The following ZNF675 variants were observed in gnomAD, a reference collection of about 807,000 sequenced individuals.
ZNF675 encodes the protein zinc finger protein 675.
Under a neutral mutation model 56.1 loss-of-function variants are expected in ZNF675, and 36 were observed. The ratio of observed to expected loss-of-function variants is 0.64; its 90% CI spans 0.49 to 0.85. The LOEUF is 0.85. Among genes scored for constraint, ZNF675 ranks in the 40% least tolerant of loss-of-function variants. The pLI, the probability that ZNF675 is intolerant of heterozygous loss-of-function variation, is 0.00. For missense variants in ZNF675, 663 were observed against 654.2 expected, an observed-to-expected ratio of 1.01 and a Z score of -0.15; for synonymous variants, 200 against 218.9, an observed-to-expected ratio of 0.91 and a Z score of 0.76.
rs2144915960 is a variant in ZNF675 at position 23,654,168 on chromosome 19, T to G, written c.765A>C (p.Pro255=). The change falls in exon 4 of 4, where the codon CCA becomes CCC. Residue 255 remains proline, a synonymous_variant. Transcript: ENST00000359788. The part of the protein sequence containing the change: ...EYKKDYAREK[P]YKCEECGKAF... ...CTTTGCCACATTCTTCACATTTGTATGGTTTCTCTCGAGCATAATCTTTTT... is the reference window on the plus strand; with the variant it reads ...CTTTGCCACATTCTTCACATTTGTAGGGTTTCTCTCGAGCATAATCTTTTT... 3 of 1,613,994 alleles carry G rather than the reference T, an allele frequency of 1.9e-6. No homozygotes were observed. The highest frequency in any genetic ancestry group is 1.1e-5 in the South Asian group (1 of 91,072).
At chr19:23,685,021 T>C (rs1968425566) in intron 1 of ZNF675, among the ~76,000 whole-genome samples, 1 of 152,108 alleles carries the variant, frequency 6.6e-6, no homozygotes, top group African/African-American at 2.4e-5. Context: ...TTTTCTTTTT[T>C]TGAGATGGAG....
At chr19:23,679,425 T>C (rs1968346313) in intron 1 of ZNF675, among the ~76,000 whole-genome samples, 1 of 151,414 alleles carries the variant, frequency 6.6e-6, no homozygotes, top group East Asian at 1.9e-4. Flanking sequence ...CTTAGAATTA[T>C]AAAAAACTCT....
At chr19:23,675,194 C>A (rs1268294574) in intron 1 of ZNF675, among the ~76,000 whole-genome samples, 2 of 151,546 alleles carry the variant, frequency 1.3e-5, no homozygotes, top group African/African-American at 4.9e-5. Flanking sequence ...ATCCATGGGT[C>A]CACATAAATA....
chr19:23,669,147 T>C (rs959533675), intron 1 of ZNF675, among the ~76,000 whole-genome samples: 4 of 152,154 alleles, frequency 2.6e-5, no homozygotes, highest in South Asian at 4.1e-4. Flanking sequence ...CTAGTAGATG[T>C]TGGTAATTGA....
At chr19:23,680,963 T>C (rs1342328372) in intron 1 of ZNF675, among the ~76,000 whole-genome samples, 1 of 151,562 alleles carries the variant, frequency 6.6e-6, no homozygotes, top group Admixed American at 6.6e-5. Context: ...ATTTTACCTA[T>C]AAAACAAACC....
rs1343160536 is a variant in ZNF675, at chr19:23,662,222, A to T, written c.131-13T>A. ...GAGACAGCAATACCTGTTTTATTAA[A>T]AAATAAATAACATTAATTTTGCTCA... is the stretch of plus-strand genomic sequence containing the variant. On this transcript the variant is annotated splice_polypyrimidine_tract_variant and intron_variant, in intron 2 of 3. Coordinates refer to ENST00000359788, the MANE Select transcript of ZNF675 (RefSeq NM_138330.3). 1.3e-6 allele frequency: 2 copies of T among 1,588,468 alleles called. No individual in the cohort carries two copies. The highest frequency in any genetic ancestry group is 8.6e-7 in the Non-Finnish European group (1 of 1,159,706).
intron 1 of ZNF675, among the ~76,000 whole-genome samples, chr19:23,684,616 C>T (rs978344983): frequency 6.6e-6 from 1 of 151,966 alleles, no homozygotes; most frequent in Non-Finnish European, 1.5e-5. Flanking sequence ...TGAACTCCAG[C>T]CTGGGCAACA....
At chr19:23,663,715 C>G (rs567275992) in intron 1 of ZNF675, among the ~76,000 whole-genome samples, 15 of 152,212 alleles carry the variant, frequency 9.9e-5, no homozygotes, top group African/African-American at 3.4e-4. Context: ...GAGACTCCAT[C>G]TCAAAAAAAT....
chr19:23,654,865 A>G (rs6511463), intron 3 of ZNF675, 159 bp from the exon 4 acceptor site: 439,750 of 445,940 alleles, frequency 0.99, 217,036 homozygotes, highest in South Asian at 1. Flanking sequence ...AAAGAGCCAC[A>G]TAGAAAAAAA....
intron 1 of ZNF675, among the ~76,000 whole-genome samples, chr19:23,665,465 T>A (rs1428997789): frequency 1.3e-5 from 2 of 152,114 alleles, no homozygotes; most frequent in African/African-American, 4.8e-5. Context: ...TTCTGCAGAC[T>A]TAGGGTTCAT....
At chr19:23,658,908 G>GAT (rs1238598265) in intron 3 of ZNF675, among the ~76,000 whole-genome samples, 3 of 25,214 alleles carry the variant, frequency 1.2e-4, no homozygotes, top group Admixed American at 4.7e-4. Flanking sequence ...GATATCTATA[G>GAT]ATAGATATAG....
chr19:23,683,670 T>C (rs1240090623), intron 1 of ZNF675, among the ~76,000 whole-genome samples: 1 of 152,064 alleles, frequency 6.6e-6, no homozygotes. Context: ...TCTGCCCACC[T>C]CAGTCTTTCA....
chr19:23,666,721 T>A (rs1181166578), intron 1 of ZNF675, among the ~76,000 whole-genome samples: 1 of 150,462 alleles, frequency 6.6e-6, no homozygotes, highest in African/African-American at 2.4e-5. Context: ...GCCCAAAGTA[T>A]TGGATTTAAT....
rs981543591 is a variant in ZNF675 at position 23,687,137 on chromosome 19, C to A, written c.-104G>T. On this transcript the variant is annotated 5_prime_UTR_variant, in exon 1 of 4. Transcript: ENST00000359788. Reference sequence around the variant, plus strand: ...ACCTCTAGGAGCAGAGGACACAGAGCAATGAAAGCGAGACCTGGAGCTCCG... The same window carrying A: ...ACCTCTAGGAGCAGAGGACACAGAGAAATGAAAGCGAGACCTGGAGCTCCG... 3 of 1,450,144 alleles carry A rather than the reference C, an allele frequency of 2.1e-6. No individual in the cohort carries two copies. The highest frequency in any genetic ancestry group is 1.2e-5 in the South Asian group (1 of 86,942). 89.8% of individuals were successfully genotyped at this position (1,450,144 alleles called of 1,614,324 possible).
At position 23,653,814 on chromosome 19, in the gene ZNF675, G is replaced by A. The variant is rs752723503; in HGVS notation, c.1119C>T (p.Cys373=). 21 of 1,609,660 alleles carry A rather than the reference G, an allele frequency of 1.3e-5. No homozygotes were observed. Among genetic ancestry groups the A allele is most frequent in the Admixed American group, 6.7e-5 (4 of 59,516 alleles). Residue 373 remains cysteine, a synonymous_variant, in exon 4 of 4, where the codon TGC becomes TGT. Coordinates refer to ENST00000359788, the MANE Select transcript of ZNF675 (RefSeq NM_138330.3). ...TTGAGGATCGGTTAAAAGCTTTGCC[G>A]CATTCCTCACATTTGTAGGGTTGCT... ...TGEQPYKCEE[C]GKAFNRSSNL...
chr19:23,673,226 C>G lies in ZNF675; in HGVS notation c.4-10068G>C, dbSNP rs117310883. Reference sequence around the variant, plus strand: ...TTAGGTTCTGGATGGATAAGAGTATCAGCAGGTGTTACCTGCACATTTGTG... The same window carrying G: ...TTAGGTTCTGGATGGATAAGAGTATGAGCAGGTGTTACCTGCACATTTGTG... On this transcript the variant is annotated intron_variant, in intron 1 of 3. Coordinates refer to ENST00000359788, the MANE Select transcript of ZNF675 (RefSeq NM_138330.3). 4.3e-3 allele frequency among the ~76,000 whole-genome samples: 656 copies of G among 152,316 alleles called. 21 individuals carry two copies. In the East Asian group the frequency reaches 0.084, roughly 20 times the overall value.
At chr19:23,654,741 A>C in intron 3 of ZNF675, 35 bp from the exon 4 acceptor site, 6 of 1,464,616 alleles carry the variant, frequency 4.1e-6, no homozygotes, top group Non-Finnish European at 5.4e-6. Context: ...TACTTTACAG[A>C]CTCAGATAAA....
intron 1 of ZNF675, among the ~76,000 whole-genome samples, chr19:23,670,009 G>C (rs1198424886): frequency 6.6e-6 from 1 of 152,054 alleles, no homozygotes; most frequent in African/African-American, 2.4e-5. Flanking sequence ...ACCCCAGTCT[G>C]GGCCAAGAAG....
intron 3 of ZNF675, among the ~76,000 whole-genome samples, chr19:23,659,056 G>A (rs112489138): frequency 6.7e-6 from 1 of 149,794 alleles, no homozygotes; most frequent in African/African-American, 2.4e-5. Flanking sequence ...TGGTTAGAGC[G>A]CCTGATATAT....
Sources: gnomAD v4.1 joint callset for allele counts (sites outside exome capture counted in the v4.1 genomes callset) on GRCh38, gnomAD v4.1.1 for gene constraint, MANE v1.5 for transcripts, NCBI Gene and HGNC (gene_info 2026-07-23, HGNC 2026-07-21) for gene names.